The following PTGIS variants were observed in gnomAD, a reference collection of about 807,000 sequenced individuals.
The protein encoded by PTGIS is prostaglandin I2 synthase, also known as prostacyclin synthase.
A neutral mutation model predicts 50.3 loss-of-function variants in PTGIS; 45 were observed. The observed-to-expected ratio is 0.90, with a 90% confidence interval of 0.70 to 1.15. The LOEUF (loss-of-function observed/expected upper bound fraction) is 1.15, where lower values mean the gene tolerates loss of function less well. PTGIS is among the 50% of genes most tolerant of loss of function. PTGIS has a pLI of 0.00. For synonymous variants in PTGIS, 260 were observed against 267.7 expected (o/e 0.97, Z 0.28); for missense variants, 668 against 661.3 (o/e 1.01, Z -0.11).
intron 1 of PTGIS, among the ~76,000 whole-genome samples, chr20:49,565,409 C>A (rs76822909): frequency 6.6e-6 from 1 of 152,120 alleles, no homozygotes. Flanking sequence ...TGGTTCACAC[C>A]GGTAATTCCA....
At chr20:49,551,816 G>A (rs907347095) in intron 1 of PTGIS, among the ~76,000 whole-genome samples, 7 of 126,928 alleles carry the variant, frequency 5.5e-5, no homozygotes, top group African/African-American at 2.8e-4. Context: ...TTGTGTGTGT[G>A]TGTGTGTGTG....
rs763466360 is a variant in PTGIS, at chr20:49,547,984, C to T, written c.234G>A (p.Leu78=). The T allele has an allele frequency of 1.9e-6, 3 of 1,613,958 alleles. No individual in the cohort carries two copies. The highest frequency in any genetic ancestry group is 2.7e-5 in the African/African-American group (2 of 74,886). ...LVGGRYVTVL[L]DPHSYDAVVW... ...CCACCGCGTCGTAGGAGTGTGGGTC[C>T]AGGAGAACGGTGACATACCTGCCCC... Residue 78 remains leucine, a synonymous_variant, in exon 3 of 10, where the codon CTG becomes CTA. Coordinates refer to ENST00000244043, the MANE Select transcript of PTGIS (RefSeq NM_000961.4).
At chr20:49,555,142 A>T (rs1050166987) in intron 1 of PTGIS, among the ~76,000 whole-genome samples, 2 of 152,150 alleles carry the variant, frequency 1.3e-5, no homozygotes, top group Non-Finnish European at 2.9e-5. Context: ...GTGTGGTGGC[A>T]GGTGCCTATA....
intron 5 of PTGIS, among the ~76,000 whole-genome samples, chr20:49,537,889 G>A (rs192971050): frequency 4.7e-4 from 72 of 152,294 alleles, no homozygotes; most frequent in Non-Finnish European, 8.4e-4. Flanking sequence ...CTACTCAAAT[G>A]TCTATCAACC....
intron 1 of PTGIS, among the ~76,000 whole-genome samples, chr20:49,561,882 G>T (rs867322249): frequency 6.6e-6 from 1 of 152,152 alleles, no homozygotes; most frequent in Non-Finnish European, 1.5e-5. Context: ...CTACACATCA[G>T]GAGCTATACT....
rs1981148568 is a variant in PTGIS, at chr20:49,506,233, G to A, written c.*1687C>T. 6.6e-6 allele frequency: 1 copy of A among 152,288 alleles called. No homozygotes were observed. The highest frequency in any genetic ancestry group is 1.5e-5 in the Non-Finnish European group (1 of 68,048). 9.4% of individuals were successfully genotyped at this position (152,288 alleles called of 1,614,324 possible). A position where few individuals can be genotyped will look rare whatever the true frequency, so the allele number is the denominator to read the frequency against. ...GCACAACCCTCCTTCTCTTCATAGA[G>A]ATGCTGTGAGGAGTAGACATACTGT... On this transcript the variant is annotated 3_prime_UTR_variant, in exon 10 of 10. Transcript: ENST00000244043.
chr20:49,513,147 C>G lies in PTGIS; in HGVS notation c.1139G>C (p.Gly380Ala). 6.2e-7 allele frequency: 1 copy of G among 1,614,164 alleles called. No homozygotes were observed. The highest frequency in any genetic ancestry group is 1.1e-5 in the South Asian group (1 of 91,086). Residue 380 changes from glycine (G) to alanine (A), a missense_variant, in exon 8 of 10, where the codon GGT becomes GCT. By Grantham distance (60) the Gly-to-Ala change is moderately conservative. Coordinates refer to ENST00000244043, the MANE Select transcript of PTGIS (RefSeq NM_000961.4). ...GAAGGGGAAGAGGAGGAGGCGGTCA[C>G]CACGTCGCAGGTTGAATTCTCGCCC... is the stretch of plus-strand genomic sequence containing the variant. The part of the protein sequence containing the change: ...ADGREFNLRR[G>A]DRLLLFPFLS...
At position 49,568,120 on chromosome 20, in the gene PTGIS, G is replaced by GGGGCTGGCA; in HGVS notation, c.-5_-4insTGCCAGCCC. 2 of 1,052,756 alleles carry GGGGCTGGCA rather than the reference G, an allele frequency of 1.9e-6. No individual in the cohort carries two copies. Among genetic ancestry groups the GGGGCTGGCA allele is most frequent in the Non-Finnish European group, 2.5e-6 (2 of 799,788 alleles). 65.2% of individuals were successfully genotyped at this position (1,052,756 alleles called of 1,614,324 possible). On this transcript the variant is annotated 5_prime_UTR_variant, in exon 1 of 10. Transcript: ENST00000244043. Reference sequence around the variant, plus strand: ...CGAGGAGCGCGGCCCAAGCCATCGCGGGGCTGGCGGGGCTGGCGGGGCTGG... The same window carrying GGGGCTGGCA: ...CGAGGAGCGCGGCCCAAGCCATCGCGGGGCTGGCAGGGCTGGCGGGGCTGGCGGGGCTGG...
intron 1 of PTGIS, among the ~76,000 whole-genome samples, chr20:49,562,784 G>T (rs1982808522): frequency 6.6e-6 from 1 of 152,152 alleles, no homozygotes. Context: ...GCCTGCCCTG[G>T]ATCTCTCTCC....
intron 5 of PTGIS, among the ~76,000 whole-genome samples, chr20:49,532,905 G>A (rs1215069503): frequency 6.6e-6 from 1 of 152,328 alleles, no homozygotes; most frequent in East Asian, 1.9e-4. Flanking sequence ...ATCGGTAGAA[G>A]TTTGTAAAAT....
rs1982467504 is a variant in PTGIS, at chr20:49,550,101, TG to T, written c.162del (p.Thr55ArgfsTer3). 1 of 1,614,026 alleles carries T rather than the reference TG, an allele frequency of 6.2e-7. No homozygotes were observed. The highest frequency in any genetic ancestry group is 8.5e-7 in the Non-Finnish European group (1 of 1,180,028). ...TCACCGTGCTTCTCCTTCATCCTCG[TG>T]AGGAAGCTGGCAGCATCTTTTCCAA... ...LDFGKDAASF[L>X]TRMKEKHGDI... is the part of the protein sequence containing the mutation. On this transcript the variant is annotated frameshift_variant, in exon 2 of 10. Transcript: ENST00000244043. LOFTEE classifies it high-confidence loss of function.
At chr20:49,550,469 T>C (rs1982477646) in intron 1 of PTGIS, among the ~76,000 whole-genome samples, 3 of 152,166 alleles carry the variant, frequency 2.0e-5, no homozygotes, top group Admixed American at 2.0e-4. Context: ...GATTCTGTGG[T>C]TTTTCTTCTC....
chr20:49,529,767 A>G (rs1194907047), intron 5 of PTGIS, among the ~76,000 whole-genome samples: 3 of 152,192 alleles, frequency 2.0e-5, no homozygotes, highest in Non-Finnish European at 2.9e-5. Flanking sequence ...ACTTGTGTTC[A>G]GGTAACCCTT....
chr20:49,532,813 C>T (rs6090999), intron 5 of PTGIS, among the ~76,000 whole-genome samples: 10 of 152,208 alleles, frequency 6.6e-5, no homozygotes, highest in African/African-American at 2.4e-4. Context: ...GCCTCAGTTT[C>T]CCCCATGTGT....
intron 6 of PTGIS, among the ~76,000 whole-genome samples, chr20:49,521,650 C>T (rs1190577443): frequency 1.3e-5 from 2 of 152,218 alleles, no homozygotes; most frequent in African/African-American, 4.8e-5. Flanking sequence ...GTCCCCACCC[C>T]TTGCCAGTCT....
intron 5 of PTGIS, among the ~76,000 whole-genome samples, chr20:49,536,470 C>CTTTTTTTTTTTTTTTTTTTTTTTTTTT (rs1471525960): frequency 1.5e-5 from 2 of 135,104 alleles, no homozygotes; most frequent in African/African-American, 3.0e-5. Flanking sequence ...TTCTTTCTTT[C>CTTTTTTTTTTTTTTTTTTTTTTTTTTT]TTTCTTTCTT....
At chr20:49,565,848 A>C (rs1601209294) in intron 1 of PTGIS, among the ~76,000 whole-genome samples, 1 of 152,110 alleles carries the variant, frequency 6.6e-6, no homozygotes, top group East Asian at 1.9e-4. Context: ...GGGTCCATGC[A>C]CCTACCCTCA....
intron 1 of PTGIS, among the ~76,000 whole-genome samples, chr20:49,557,143 T>G (rs1044038766): frequency 4.6e-5 from 7 of 152,224 alleles, no homozygotes; most frequent in African/African-American, 1.7e-4. Flanking sequence ...CTTTGTGTGA[T>G]GTGAGACTTC....
At position 49,524,218 on chromosome 20, in the gene PTGIS, C is replaced by A. The variant is rs764009747; in HGVS notation, c.695G>T (p.Ser232Ile). The A allele has an allele frequency of 1.2e-6, 2 of 1,614,220 alleles. No individual in the cohort carries two copies. Among genetic ancestry groups the A allele is most frequent in the Admixed American group, 1.7e-5 (1 of 60,030 alleles). The change falls in exon 6 of 10, where the codon AGT (serine) becomes ATT (isoleucine). Residue 232 changes from serine to isoleucine, a missense_variant. Transcript: ENST00000244043. ...LSVGDKDHMC[S>I]VKSRLWKLLS... ...CAGCTTCCACAGGCGACTTTTGACA[C>A]TGCACATGTGGTCCTTGTCCCCTGC... is the stretch of plus-strand genomic sequence containing the variant.
Sources: allele counts gnomAD v4.1 joint callset (sites outside exome capture counted in the v4.1 genomes callset), GRCh38; gene constraint gnomAD v4.1.1; transcripts MANE v1.5; gene names NCBI Gene and HGNC (gene_info 2026-07-23, HGNC 2026-07-21).